SPIDR: variants seen among roughly 807,000 people sequenced by gnomAD.
SPIDR encodes DNA repair-scaffolding protein.
In SPIDR, 93 loss-of-function variants were observed where a neutral mutation model predicts 104.6. The ratio of observed to expected loss-of-function variants is 0.89; its 90% CI spans 0.75 to 1.06. The LOEUF is 1.06. Ranked by LOEUF, SPIDR falls within the 50% of genes least tolerant of loss-of-function variation. SPIDR has a pLI of 0.00. For synonymous variants in SPIDR, 431 were observed against 416.9 expected, an observed-to-expected ratio of 1.03 and a Z score of -0.41; for missense variants, 1,154 against 1,111.2, an observed-to-expected ratio of 1.04 and a Z score of -0.55.
intron 10 of SPIDR, among the ~76,000 whole-genome samples, chr8:47,631,106 C>T (rs1490608697): frequency 5.9e-5 from 9 of 152,162 alleles, no homozygotes; most frequent in Non-Finnish European, 1.3e-4. Context: ...TCTCTGACCA[C>T]TCCCAAAGGT....
Position 47,728,934 on chromosome 8 carries a change from G to C in SPIDR, c.2437G>C (p.Gly813Arg), listed in dbSNP as rs754883616. ...GRLEQRPEDR[G>R]AFSCGDCSRV... ...TTTCCTTGGCTTTTCATATACCAGA[G>C]GCGCCTTTTCCTGTGGGGACTGCTC... Residue 813 changes from glycine (G) to arginine (R), a missense_variant and splice_region_variant, in exon 18 of 20, where the codon GGC becomes CGC. Coordinates refer to ENST00000297423, the MANE Select transcript of SPIDR (RefSeq NM_001080394.4). 3.1e-6 allele frequency: 5 copies of C among 1,607,198 alleles called. No individual in the cohort carries two copies.
chr8:47,304,887 A>C (rs2042863492), intron 5 of SPIDR, among the ~76,000 whole-genome samples: 1 of 152,220 alleles, frequency 6.6e-6, no homozygotes, highest in Non-Finnish European at 1.5e-5. Context: ...GATTAATATC[A>C]TTATCACAGT....
At chr8:47,352,882 C>T (rs1408496155) in intron 5 of SPIDR, among the ~76,000 whole-genome samples, 1 of 151,530 alleles carries the variant, frequency 6.6e-6, no homozygotes, top group Admixed American at 6.6e-5. Context: ...GGTGAAACCC[C>T]ATCTCTACTA....
At chr8:47,402,132 G>A (rs2061986709) in intron 6 of SPIDR, among the ~76,000 whole-genome samples, 1 of 152,178 alleles carries the variant, frequency 6.6e-6, no homozygotes, top group Non-Finnish European at 1.5e-5. Flanking sequence ...ATAACAAAAT[G>A]TCTCTGAGAC....
intron 11 of SPIDR, among the ~76,000 whole-genome samples, chr8:47,698,825 C>T (rs934869989): frequency 2.6e-5 from 4 of 152,212 alleles, no homozygotes; most frequent in Non-Finnish European, 5.9e-5. Context: ...TCTCTAGGCC[C>T]TCTGCCATGT....
intron 5 of SPIDR, among the ~76,000 whole-genome samples, chr8:47,303,716 C>T (rs375832114): frequency 6.6e-6 from 1 of 152,286 alleles, no homozygotes; most frequent in South Asian, 2.1e-4. Context: ...CCCACTTGAT[C>T]ATGTGAATGA....
Position 47,732,970 on chromosome 8 carries a change from T to C in SPIDR, c.2605-2337T>C, listed in dbSNP as rs141301326. Among the ~76,000 whole-genome samples, 579 of 152,340 alleles carry C rather than the reference T, an allele frequency of 3.8e-3. 3 individuals carry two copies. Among genetic ancestry groups the C allele is most frequent in the South Asian group, 0.023 (109 of 4,830 alleles). ...CTTTCAGAAAAGTTAAAGGAACATA[T>C]ATAGTGATTTTTTAAAAGAGAGCAC... is the stretch of plus-strand genomic sequence containing the variant. On this transcript the variant is annotated intron_variant, in intron 19 of 19. Transcript: ENST00000297423.
chr8:47,624,009 A>G (rs2065582341), intron 10 of SPIDR, among the ~76,000 whole-genome samples: 1 of 152,236 alleles, frequency 6.6e-6, no homozygotes, highest in East Asian at 1.9e-4. Context: ...CAGCAAATGT[A>G]AAAGAACAGA....
intron 5 of SPIDR, among the ~76,000 whole-genome samples, chr8:47,309,171 A>C (rs1349905847): frequency 2.0e-5 from 3 of 152,192 alleles, no homozygotes; most frequent in Admixed American, 6.5e-5. Context: ...AAAACTGATA[A>C]AATTTAGTGC....
At chr8:47,291,669 A>C (rs943310131) in intron 4 of SPIDR, among the ~76,000 whole-genome samples, 82 of 152,334 alleles carry the variant, frequency 5.4e-4, no homozygotes, top group African/African-American at 1.8e-3. Flanking sequence ...TACAGTTAAC[A>C]ACTTAAGCTT....
intron 17 of SPIDR, among the ~76,000 whole-genome samples, chr8:47,727,530 C>A (rs1006596971): frequency 3.3e-5 from 5 of 152,132 alleles, no homozygotes; most frequent in African/African-American, 1.2e-4. Context: ...TGGGTTTTGT[C>A]CCCACCTCCT....
At chr8:47,317,991 A>G (rs1383477726) in intron 5 of SPIDR, among the ~76,000 whole-genome samples, 4 of 152,166 alleles carry the variant, frequency 2.6e-5, no homozygotes, top group Admixed American at 6.6e-5. Context: ...ACAAAGATGG[A>G]GAAAAAACAG....
At chr8:47,601,817 G>T (rs996532478) in intron 10 of SPIDR, among the ~76,000 whole-genome samples, 8 of 152,206 alleles carry the variant, frequency 5.3e-5, no homozygotes, top group Non-Finnish European at 1.0e-4. Flanking sequence ...GTTGGACTGT[G>T]TACAAAGATG....
chr8:47,283,060 G>A (rs939906739), intron 2 of SPIDR, among the ~76,000 whole-genome samples: 1 of 151,938 alleles, frequency 6.6e-6, no homozygotes, highest in African/African-American at 2.4e-5. Flanking sequence ...TTCACCATGT[G>A]GGTCAGGCTG....
chr8:47,423,326 G>A (rs933117882), intron 7 of SPIDR, among the ~76,000 whole-genome samples: 1 of 150,584 alleles, frequency 6.6e-6, no homozygotes, highest in Non-Finnish European at 1.5e-5. Context: ...AGCAGCAAGA[G>A]CCAGGCACAG....
intron 8 of SPIDR, among the ~76,000 whole-genome samples, chr8:47,479,059 A>G (rs1165931415): frequency 6.6e-6 from 1 of 152,118 alleles, no homozygotes; most frequent in Non-Finnish European, 1.5e-5. Context: ...GAAAAAAAAA[A>G]TTTAAAGAAA....
intron 10 of SPIDR, among the ~76,000 whole-genome samples, chr8:47,631,476 A>C (rs2067066314): frequency 6.6e-6 from 1 of 152,260 alleles, no homozygotes; most frequent in African/African-American, 2.4e-5. Context: ...CTAAAACCAC[A>C]CAAATATTAC....
chr8:47,294,214 C>T, intron 5 of SPIDR, 184 bp downstream of exon 5: 1 of 668,148 alleles, frequency 1.5e-6, no homozygotes, highest in Non-Finnish European at 2.3e-6. Flanking sequence ...TACTTCTCAA[C>T]ATGGATAAAT....
At chr8:47,635,727 T>TAA (rs922836097) in intron 10 of SPIDR, among the ~76,000 whole-genome samples, 1 of 149,098 alleles carries the variant, frequency 6.7e-6, no homozygotes, top group Non-Finnish European at 1.5e-5. Flanking sequence ...ACCCTGTCTC[T>TAA]AAAAAAAAAA....
Sources: allele counts gnomAD v4.1 joint callset (sites outside exome capture counted in the v4.1 genomes callset), GRCh38; gene constraint gnomAD v4.1.1; transcripts MANE v1.5; gene names NCBI Gene and HGNC (gene_info 2026-07-23, HGNC 2026-07-21).